The following MARCHF11 variants were observed in gnomAD, a reference collection of about 807,000 sequenced individuals.
The protein encoded by MARCHF11 is membrane associated ring-CH-type finger 11, also known as E3 ubiquitin-protein ligase MARCHF11.
MARCHF11 carries 29 observed loss-of-function variants against 37.3 expected under a neutral mutation model. The ratio of observed to expected loss-of-function variants is 0.78; its 90% confidence interval spans 0.58 to 1.06. MARCHF11 has a LOEUF of 1.06. Ranked by LOEUF, MARCHF11 falls within the 50% of genes least tolerant of loss-of-function variation. MARCHF11 has a pLI of 0.00. For synonymous variants in MARCHF11, 233 were observed against 228.0 expected, an observed-to-expected ratio of 1.02 and a Z score of -0.20; for missense variants, 482 against 533.4, an observed-to-expected ratio of 0.90 and a Z score of 0.95.
At chr5:16,098,145 G>C (rs193180570) in intron 2 of MARCHF11, among the ~76,000 whole-genome samples, 19 of 152,230 alleles carry the variant, frequency 1.2e-4, no homozygotes, top group African/African-American at 4.6e-4. Context: ...ACTAGGAAGA[G>C]AAAGAAAACA....
chr5:16,113,366 T>G (rs1472534989), intron 2 of MARCHF11, among the ~76,000 whole-genome samples: 1 of 152,188 alleles, frequency 6.6e-6, no homozygotes, highest in Non-Finnish European at 1.5e-5. Flanking sequence ...ATAATTAATA[T>G]TGACTAGTGA....
chr5:16,173,074 T>TA (rs1738297521), intron 2 of MARCHF11, among the ~76,000 whole-genome samples: 2 of 152,234 alleles, frequency 1.3e-5, no homozygotes, highest in Non-Finnish European at 1.5e-5. Flanking sequence ...GAAAGGCTAA[T>TA]AAAAAACAGT....
At chr5:16,164,250 C>T (rs907708928) in intron 2 of MARCHF11, among the ~76,000 whole-genome samples, 1 of 151,858 alleles carries the variant, frequency 6.6e-6, no homozygotes, top group Non-Finnish European at 1.5e-5. Flanking sequence ...CAACCAAGTC[C>T]CAAAATATGT....
intron 2 of MARCHF11, among the ~76,000 whole-genome samples, chr5:16,157,129 T>A (rs6876186): frequency 5.3e-5 from 8 of 151,526 alleles, no homozygotes; most frequent in South Asian, 2.1e-4. Context: ...ACAAAAAAAC[T>A]TAGAAATAAA....
intron 2 of MARCHF11, chr5:16,141,680 T>G (rs539777110): frequency 1.3e-5 from 2 of 152,350 alleles, no homozygotes; most frequent in Admixed American, 1.3e-4. Flanking sequence ...TGTAATATTT[T>G]GAAGTAAATT....
intron 2 of MARCHF11, among the ~76,000 whole-genome samples, chr5:16,140,217 G>A (rs1444840404): frequency 6.6e-6 from 1 of 151,930 alleles, no homozygotes; most frequent in African/African-American, 2.4e-5. Context: ...AGAAAAAAAT[G>A]CATAATTATT....
At chr5:16,068,245 C>T (rs1309203143) in intron 3 of MARCHF11, among the ~76,000 whole-genome samples, 1 of 152,130 alleles carries the variant, frequency 6.6e-6, no homozygotes, top group African/African-American at 2.4e-5. Flanking sequence ...TTACTGTTTC[C>T]CCAGTTCCTA....
chr5:16,143,648 T>C (rs1346499123), intron 2 of MARCHF11, among the ~76,000 whole-genome samples: 2 of 152,252 alleles, frequency 1.3e-5, no homozygotes, highest in Non-Finnish European at 2.9e-5. Flanking sequence ...AGGCATTTTT[T>C]CCTCAACTCT....
intron 2 of MARCHF11, among the ~76,000 whole-genome samples, chr5:16,109,728 T>G (rs1737106148): frequency 6.6e-6 from 1 of 152,212 alleles, no homozygotes; most frequent in Non-Finnish European, 1.5e-5. Context: ...GACTTGGGAC[T>G]GGTGTCTGAA....
intron 3 of MARCHF11, among the ~76,000 whole-genome samples, chr5:16,081,442 T>C (rs2126549789): frequency 6.6e-6 from 1 of 152,290 alleles, no homozygotes; most frequent in East Asian, 1.9e-4. Flanking sequence ...TGTCATGAAA[T>C]AATATTTTTA....
At chr5:16,084,017 A>C (rs1229459456) in intron 3 of MARCHF11, among the ~76,000 whole-genome samples, 2 of 152,146 alleles carry the variant, frequency 1.3e-5, no homozygotes, top group African/African-American at 4.8e-5. Context: ...TACAACACAG[A>C]GTTAGTAAAT....
intron 2 of MARCHF11, among the ~76,000 whole-genome samples, chr5:16,095,037 C>T (rs1418414415): frequency 6.6e-6 from 1 of 152,092 alleles, no homozygotes; most frequent in African/African-American, 2.4e-5. Context: ...AGGTACAAAC[C>T]CAGGTATTCT....
Position 16,119,173 on chromosome 5 carries a change from G to A in MARCHF11, c.694-28092C>T, listed in dbSNP as rs191198122. ...AGGTCAGGAGTTTGAGACCAGCCTGGCCAACATGGTGAAAACCCATCTCCA... is the reference window on the plus strand; with the variant it reads ...AGGTCAGGAGTTTGAGACCAGCCTGACCAACATGGTGAAAACCCATCTCCA... On this transcript the variant is annotated intron_variant, in intron 2 of 3. Coordinates refer to ENST00000332432, the MANE Select transcript of MARCHF11 (RefSeq NM_001102562.3). Among the ~76,000 whole-genome samples, 552 of 152,052 alleles carry A rather than the reference G, an allele frequency of 3.6e-3. 4 individuals are homozygous for A. The highest frequency in any genetic ancestry group is 0.013 in the African/African-American group (536 of 41,502).
At position 16,179,117 on chromosome 5, in the gene MARCHF11, G is replaced by A. The variant is rs1426678071; in HGVS notation, c.459C>T (p.Gly153=). The A allele has an allele frequency of 1.3e-6, 2 of 1,492,282 alleles. No homozygotes were observed. Among genetic ancestry groups the A allele is most frequent in the East Asian group, 2.9e-5 (1 of 34,556 alleles). 92.4% of individuals were successfully genotyped at this position (1,492,282 alleles called of 1,614,324 possible). Residue 153 remains glycine, a synonymous_variant, in exon 1 of 4, where the codon GGC becomes GGT. Transcript: ENST00000332432. ...GGTGCCCAGCGCGCTGGTCGCCGCC[G>A]CCACTGCTGCTGCTGCGGCTGCTGC... ...SVCSSRSSSS[G]GGDQRAGHQH...
intron 2 of MARCHF11, among the ~76,000 whole-genome samples, chr5:16,174,748 G>C (rs575985174): frequency 1.3e-5 from 2 of 152,104 alleles, no homozygotes; most frequent in African/African-American, 2.4e-5. Context: ...TGATCTACCC[G>C]GACTTTATGA....
In MARCHF11 at chr5:16,067,259, C is replaced by A; in HGVS notation, c.*212G>T. The stretch of plus-strand genomic sequence containing the variant: ...TTATATGTATAATGATTTCAAGTAC[C>A]AACTTATAAAAGATGTGACAAACCA... On this transcript the variant is annotated 3_prime_UTR_variant, in exon 4 of 4. Coordinates refer to ENST00000332432, the MANE Select transcript of MARCHF11 (RefSeq NM_001102562.3). The A allele has an allele frequency of 2.1e-6, 1 of 482,878 alleles. No individual in the cohort carries two copies. Among genetic ancestry groups the A allele is most frequent in the Non-Finnish European group, 3.6e-6 (1 of 276,264 alleles). The allele number at this position is 482,878 out of a possible 1,614,324, so 29.9% of individuals were successfully genotyped here.
At chr5:16,177,576 C>G (rs1023848855) in intron 2 of MARCHF11, 150 bp downstream of exon 2, 5 of 546,000 alleles carry the variant, frequency 9.2e-6, no homozygotes, top group Non-Finnish European at 1.4e-5. Context: ...CTCAAAAACA[C>G]ATGTTTACAA....
At chr5:16,173,221 A>G (rs1738301029) in intron 2 of MARCHF11, among the ~76,000 whole-genome samples, 2 of 152,174 alleles carry the variant, frequency 1.3e-5, no homozygotes, top group Admixed American at 6.5e-5. Context: ...AAAGTTGGTG[A>G]ACATCATGAT....
chr5:16,079,893 T>C (rs1736578364), intron 3 of MARCHF11, among the ~76,000 whole-genome samples: 1 of 152,140 alleles, frequency 6.6e-6, no homozygotes, highest in Non-Finnish European at 1.5e-5. Flanking sequence ...GGCAAAGCCC[T>C]TCCTGGGTGC....
Sources: gnomAD v4.1 joint callset for allele counts (sites outside exome capture counted in the v4.1 genomes callset) on GRCh38, gnomAD v4.1.1 for gene constraint, MANE v1.5 for transcripts, NCBI Gene and HGNC (gene_info 2026-07-23, HGNC 2026-07-21) for gene names.